Variants in BCKDHB observed in about 807,000 individuals in gnomAD.
BCKDHB encodes 2-oxoisovalerate dehydrogenase subunit beta, mitochondrial.
In BCKDHB, 41 loss-of-function variants were observed where a neutral mutation model predicts 48.5. The observed-to-expected ratio is 0.85, with a 90% confidence interval of 0.66 to 1.10. The LOEUF (loss-of-function observed/expected upper bound fraction) is 1.10, where lower values mean the gene tolerates loss of function less well. BCKDHB is among the 50% of genes least tolerant of loss of function. BCKDHB has a pLI of 0.00. For missense variants in BCKDHB, 496 were observed against 494.2 expected (o/e 1.00, Z -0.03); for synonymous variants, 201 against 174.8 (o/e 1.15, Z -1.18).
At chr6:80,446,761 C>T in the BCKDHB span, among the ~76,000 whole-genome samples, 1 of 123,184 alleles carries the variant, frequency 8.1e-6, no homozygotes, top group Non-Finnish European at 1.6e-5. Flanking sequence ...AGCATTCTCT[C>T]TTACAGACTA....
intron 9 of BCKDHB, among the ~76,000 whole-genome samples, chr6:80,322,150 TTACTG>T (rs1353729360): frequency 5.3e-5 from 8 of 152,162 alleles, no homozygotes; most frequent in Admixed American, 2.0e-4. Flanking sequence ...GCTCTTTTCT[TTACTG>T]TAATGGTACC....
At chr6:80,400,183 T>C in the BCKDHB span, among the ~76,000 whole-genome samples, 20 of 152,164 alleles carry the variant, frequency 1.3e-4, no homozygotes, top group South Asian at 4.2e-3. Context: ...AAAAATTTCA[T>C]TATGAAGATG....
chr6:80,219,451 C>T (rs1775315434), intron 8 of BCKDHB, among the ~76,000 whole-genome samples: 1 of 152,176 alleles, frequency 6.6e-6, no homozygotes, highest in Non-Finnish European at 1.5e-5. Flanking sequence ...GGGTGATCCA[C>T]ACACCTCGGC....
the BCKDHB span, among the ~76,000 whole-genome samples, chr6:80,410,642 T>C: frequency 6.6e-6 from 1 of 152,232 alleles, no homozygotes; most frequent in Non-Finnish European, 1.5e-5. Flanking sequence ...TTTGTTCATT[T>C]CTTTCTACTC....
chr6:80,335,414 C>T (rs895032110), intron 9 of BCKDHB, among the ~76,000 whole-genome samples: 1 of 151,962 alleles, frequency 6.6e-6, no homozygotes, highest in African/African-American at 2.4e-5. Flanking sequence ...CTTCCACATT[C>T]TAAGGAAATT....
At chr6:80,413,601 A>G in the BCKDHB span, among the ~76,000 whole-genome samples, 1 of 152,150 alleles carries the variant, frequency 6.6e-6, no homozygotes, top group Non-Finnish European at 1.5e-5. Context: ...GCATCCAACT[A>G]CATTCATGTT....
chr6:80,261,662 C>T (rs574929077), intron 8 of BCKDHB, among the ~76,000 whole-genome samples: 4 of 152,126 alleles, frequency 2.6e-5, no homozygotes, highest in East Asian at 3.9e-4. Context: ...GAGACTTTCA[C>T]GTTTCATCTG....
In BCKDHB at chr6:80,119,385, C is replaced by G. The variant is rs150005086; in HGVS notation, c.197-8162C>G. Among the ~76,000 whole-genome samples the G allele has an allele frequency of 1.7e-3, 260 of 152,238 alleles. 1 individual carries two copies. The highest frequency in any genetic ancestry group is 6.0e-3 in the African/African-American group (250 of 41,532). On this transcript the variant is annotated intron_variant, in intron 1 of 9. Transcript: ENST00000320393. Reference sequence around the variant, plus strand: ...GCAGGCTGGAGTGCAGTGGCATAATCTTGGCTGGCTGCAACCTCTACCTCC... The same window carrying G: ...GCAGGCTGGAGTGCAGTGGCATAATGTTGGCTGGCTGCAACCTCTACCTCC...
rs1251524096 is a variant in BCKDHB, at chr6:80,205,838, GT to G, written c.951+2627del. Among the ~76,000 whole-genome samples the G allele has an allele frequency of 8.6e-4, 108 of 125,570 alleles. 1 individual carries two copies. Among genetic ancestry groups the G allele is most frequent in the African/African-American group, 3.2e-3 (106 of 33,438 alleles). The allele number at this position is 125,570 out of a possible 152,430, so 82.4% of individuals were successfully genotyped here. ...TGTGTGTGTGTGTGTGTGTGTGTAG[GT>G]GGATTGGCTTAAGAGAATCAGCTGT... On this transcript the variant is annotated intron_variant, in intron 8 of 9. Coordinates refer to ENST00000320393, the MANE Select transcript of BCKDHB (RefSeq NM_183050.4).
chr6:80,388,377 C>T, the BCKDHB span, among the ~76,000 whole-genome samples: 1 of 152,176 alleles, frequency 6.6e-6, no homozygotes, highest in South Asian at 2.1e-4. Context: ...TAGACCCTGC[C>T]ATTATCTGCA....
intron 8 of BCKDHB, among the ~76,000 whole-genome samples, chr6:80,247,275 T>G (rs1266117240): frequency 1.3e-5 from 2 of 152,210 alleles, no homozygotes; most frequent in African/African-American, 4.8e-5. Flanking sequence ...AGCCAAAGCT[T>G]TCAGCTTTGC....
intron 6 of BCKDHB, among the ~76,000 whole-genome samples, chr6:80,179,850 T>C (rs763616625): frequency 1.3e-5 from 2 of 152,172 alleles, no homozygotes; most frequent in Non-Finnish European, 2.9e-5. Context: ...TAGTCATATG[T>C]CCCCAGATAG....
chr6:80,200,162 GT>G (rs1774323083), intron 6 of BCKDHB, among the ~76,000 whole-genome samples: 1 of 151,116 alleles, frequency 6.6e-6, no homozygotes, highest in East Asian at 1.9e-4. Flanking sequence ...TTGAAATTCA[GT>G]TTATAATTTT....
chr6:80,384,281 G>A, the BCKDHB span, among the ~76,000 whole-genome samples: 1 of 151,968 alleles, frequency 6.6e-6, no homozygotes, highest in Non-Finnish European at 1.5e-5. Flanking sequence ...CAGCCCACAG[G>A]TTTCTCCCAT....
downstream of BCKDHB, among the ~76,000 whole-genome samples, chr6:80,348,583 A>G (rs1485426808): frequency 1.3e-5 from 2 of 152,232 alleles, no homozygotes; most frequent in Non-Finnish European, 2.9e-5. Context: ...TGCAGAAACA[A>G]AAAGTATTAG....
chr6:80,250,697 C>T (rs1359236820), intron 8 of BCKDHB, among the ~76,000 whole-genome samples: 5 of 152,210 alleles, frequency 3.3e-5, no homozygotes, highest in Admixed American at 2.6e-4. Flanking sequence ...GCTTATACAA[C>T]ATAGGGGGAA....
chr6:80,323,934 G>A (rs1327467399), intron 9 of BCKDHB, among the ~76,000 whole-genome samples: 1 of 152,082 alleles, frequency 6.6e-6, no homozygotes, highest in Admixed American at 6.5e-5. Flanking sequence ...CACTACGGCC[G>A]GCTAATTTTT....
the BCKDHB span, among the ~76,000 whole-genome samples, chr6:80,385,709 T>C: frequency 1.3e-5 from 2 of 152,158 alleles, no homozygotes; most frequent in Non-Finnish European, 2.9e-5. Context: ...TAGACTAAAG[T>C]CCTGGTGGGA....
chr6:80,114,508 C>T (rs926461845), intron 1 of BCKDHB, among the ~76,000 whole-genome samples: 5 of 151,800 alleles, frequency 3.3e-5, no homozygotes, highest in Non-Finnish European at 5.9e-5. Flanking sequence ...TTTGGCCTCC[C>T]GAAGTGCTGG....
Sources: gnomAD v4.1 joint callset for allele counts (sites outside exome capture counted in the v4.1 genomes callset) on GRCh38, gnomAD v4.1.1 for gene constraint, MANE v1.5 for transcripts, NCBI Gene and HGNC (gene_info 2026-07-23, HGNC 2026-07-21) for gene names.